SSC5D: variants seen among roughly 807,000 people sequenced by gnomAD.
SSC5D encodes soluble scavenger receptor cysteine-rich domain-containing protein SSC5D.
A neutral mutation model predicts 104.6 loss-of-function variants in SSC5D; 106 were observed. The ratio of observed to expected loss-of-function variants is 1.01; its 90% CI spans 0.87 to 1.19. The LOEUF (loss-of-function observed/expected upper bound fraction) is 1.19. Ranked by LOEUF, SSC5D falls within the 50% of genes most tolerant of loss-of-function variation. The pLI, the probability that SSC5D is intolerant of heterozygous loss-of-function variation, is 0.00. For synonymous variants in SSC5D, 860 were observed against 883.5 expected (o/e 0.97, Z 0.47); for missense variants, 1,993 against 2,153.8 (o/e 0.93, Z 1.48).
rs1423897582 is a variant in SSC5D, at chr19:55,500,625, T to C, written c.2438T>C (p.Leu813Pro). 1.3e-6 allele frequency: 2 copies of C among 1,551,704 alleles called. No homozygotes were observed. Among genetic ancestry groups the C allele is most frequent in the East Asian group, 2.4e-5 (1 of 40,916 alleles). Residue 813 changes from leucine to proline, a missense_variant, in exon 11 of 14, where the codon CTG (leucine) becomes CCG (proline). Coordinates refer to ENST00000389623, the MANE Select transcript of SSC5D (RefSeq NM_001144950.2). This position sits in a 1 kb window ranked among gnomAD's most constrained non-coding sequence, Gnocchi z 4.6. Reference protein sequence around the residue: ...LRDATVACWELGCGKVRPRVG... With the variant: ...LRDATVACWEPGCGKVRPRVG... ...GACGCCACTGTGGCCTGCTGGGAAC[T>C]GGGCTGTGGAAAGGTCCGGCCTCGA...
At chr19:55,515,350 C>T (rs1987846497) in intron 13 of SSC5D, among the ~76,000 whole-genome samples, 1 of 145,616 alleles carries the variant, frequency 6.9e-6, no homozygotes, top group Non-Finnish European at 1.5e-5. Context: ...GAGCCAAGAT[C>T]GCGCCACTGC....
At chr19:55,489,297 G>C (rs1987056770) in intron 2 of SSC5D, 57 bp from the exon 3 acceptor site, 1 of 1,412,284 alleles carries the variant, frequency 7.1e-7, no homozygotes, top group Non-Finnish European at 9.2e-7. Flanking sequence ...CAGTTGCCCT[G>C]GCCTTGGGGC....
chr19:55,508,276 G>T (rs781677695), intron 12 of SSC5D, among the ~76,000 whole-genome samples: 1 of 152,148 alleles, frequency 6.6e-6, no homozygotes, highest in Non-Finnish European at 1.5e-5. Context: ...TTGGGGTATC[G>T]CCGGAGGTTT....
In SSC5D at chr19:55,500,238, A is replaced by T. The variant is rs1227215537; in HGVS notation, c.2128A>T (p.Thr710Ser). 6.4e-7 allele frequency: 1 copy of T among 1,551,112 alleles called. No individual in the cohort carries two copies. Among genetic ancestry groups the T allele is most frequent in the Non-Finnish European group, 8.7e-7 (1 of 1,146,870 alleles). The change falls in exon 10 of 14, where the codon ACT becomes TCT. Residue 710 changes from threonine (T) to serine (S), a missense_variant. Physicochemically the swap from Thr to Ser is moderately conservative, Grantham distance 58 (BLOSUM62 1). Coordinates refer to ENST00000389623, the MANE Select transcript of SSC5D (RefSeq NM_001144950.2). The surrounding 1 kb of genome is among the most constrained non-coding windows in gnomAD (Gnocchi z 4.6). ...CCCTCAGGCCCCCCGAGAACGGACC[A>T]CTAAGACCATGGCAATGCTGACCAC... The part of the protein sequence containing the change: ...LTPQAPRERT[T>S]KTMAMLTTQG...
chr19:55,490,821 G>C lies in SSC5D; in HGVS notation c.636G>C (p.Glu212Asp), dbSNP rs376228247. 2 of 1,547,204 alleles carry C rather than the reference G, an allele frequency of 1.3e-6. No individual in the cohort carries two copies. The highest frequency in any genetic ancestry group is 3.9e-5 in the Admixed American group (2 of 50,670). ...CCCACAGGTGCGCCGGACGCCTGGA[G>C]GTCTGGCACGGCGGGCGCTGGGGCA... Reference protein sequence around the residue: ...SGPHRCAGRLEVWHGGRWGTV... With the variant: ...SGPHRCAGRLDVWHGGRWGTV... The change falls in exon 6 of 14, where the codon GAG becomes GAC. Residue 212 changes from glutamate to aspartate, a missense_variant. By Grantham distance (45) the Glu-to-Asp change is conservative. Around this residue, in one of 6 missense-constraint regions of SSC5D, gnomAD observed 1,101 missense variants for 1,085.0 expected, o/e 1.01. Coordinates refer to ENST00000389623, the MANE Select transcript of SSC5D (RefSeq NM_001144950.2).
At chr19:55,513,199 ACTGGGACGGTATTTGTC>A in intron 13 of SSC5D, 27 bp downstream of exon 13, 1 of 1,460,966 alleles carries the variant, frequency 6.8e-7, no homozygotes, top group Non-Finnish European at 9.1e-7. Flanking sequence ...GGGTGAGGAG[ACTGGGACGGTATTTGTC>A]CTGGGGTAAA....
intron 13 of SSC5D, among the ~76,000 whole-genome samples, chr19:55,515,396 C>CA (rs71181781): frequency 0.6 from 52,192 of 86,518 alleles, 16,233 homozygotes; most frequent in Middle Eastern, 0.76. Context: ...AACTCCGTCT[C>CA]AAAAAAAAAA....
rs1232199033 is a variant in SSC5D, at chr19:55,503,378, C to T, written c.2785+2177C>T. Among the ~76,000 whole-genome samples, 1 of 152,160 alleles carries T rather than the reference C, an allele frequency of 6.6e-6. No individual in the cohort carries two copies. Among genetic ancestry groups the T allele is most frequent in the Non-Finnish European group, 1.5e-5 (1 of 68,032 alleles). On this transcript the variant is annotated intron_variant, in intron 12 of 13. Coordinates refer to ENST00000389623, the MANE Select transcript of SSC5D (RefSeq NM_001144950.2). This position sits in a 1 kb window ranked among gnomAD's most constrained non-coding sequence, Gnocchi z 4.0. ...GTCTCCATTTCTCACTGCGTTCTCT[C>T]CCCAGGCCCAGCGCTGTGGTATCTT...
In SSC5D at chr19:55,490,850, T is replaced by A. The variant is rs1225772822; in HGVS notation, c.665T>A (p.Val222Glu). 6.5e-7 allele frequency: 1 copy of A among 1,547,128 alleles called. No homozygotes were observed. The highest frequency in any genetic ancestry group is 8.7e-7 in the Non-Finnish European group (1 of 1,145,422). The change falls in exon 6 of 14, where the codon GTA (valine) becomes GAA (glutamate). Residue 222 changes from valine to glutamate, a missense_variant. Val to Glu is a moderately radical substitution (Grantham distance 121). Coordinates refer to ENST00000389623, the MANE Select transcript of SSC5D (RefSeq NM_001144950.2). ...EVWHGGRWGT[V>E]CDDGWDLRDA... Reference sequence around the variant, plus strand: ...TGGCACGGCGGGCGCTGGGGCACCGTATGTGACGATGGCTGGGACCTGCGC... The same window carrying A: ...TGGCACGGCGGGCGCTGGGGCACCGAATGTGACGATGGCTGGGACCTGCGC...
intron 7 of SSC5D, 82 bp downstream of exon 7, chr19:55,493,994 G>GGGGGCCCCCC: frequency 7.0e-6 from 1 of 143,314 alleles, no homozygotes; most frequent in Admixed American, 8.5e-5. Context: ...GGGCGGGGGG[G>GGGGGCCCCCC]TCCCTACGCG....
In SSC5D at chr19:55,500,611, G is replaced by A. The variant is rs1252046847; in HGVS notation, c.2424G>A (p.Val808=). 3.2e-6 allele frequency: 5 copies of A among 1,551,658 alleles called. No individual in the cohort carries two copies. The highest frequency in any genetic ancestry group is 1.4e-5 in the African/African-American group (1 of 73,058). ...DDNWDLRDAT[V]ACWELGCGKV... ...ACTGGGACCTGCGGGACGCCACTGT[G>A]GCCTGCTGGGAACTGGGCTGTGGAA... is the stretch of plus-strand genomic sequence containing the variant. The change falls in exon 11 of 14, where the codon GTG becomes GTA. Residue 808 remains valine (V), a synonymous_variant. Coordinates refer to ENST00000389623, the MANE Select transcript of SSC5D (RefSeq NM_001144950.2). This position sits in a 1 kb window ranked among gnomAD's most constrained non-coding sequence, Gnocchi z 4.6.
At chr19:55,509,898 A>G (rs1987719401) in intron 12 of SSC5D, among the ~76,000 whole-genome samples, 1 of 151,728 alleles carries the variant, frequency 6.6e-6, no homozygotes, top group Admixed American at 6.6e-5. Flanking sequence ...AAAAGAAAGA[A>G]ATACGCGTAT....
At chr19:55,490,635 C>CA (rs1277953571) in intron 5 of SSC5D, 137 bp from the exon 6 acceptor site, 2 of 1,044,526 alleles carry the variant, frequency 1.9e-6, no homozygotes, top group African/African-American at 3.2e-5. Flanking sequence ...GTCGTGGACT[C>CA]ACCTCTTCAC....
At position 55,503,448 on chromosome 19, in the gene SSC5D, G is replaced by A. The variant is rs914022998; in HGVS notation, c.2785+2247G>A. Among the ~76,000 whole-genome samples the A allele has an allele frequency of 7.2e-5, 11 of 151,840 alleles. No homozygotes were observed. Among genetic ancestry groups the A allele is most frequent in the African/African-American group, 2.4e-4 (10 of 41,292 alleles). ...TGTTTTCTGAGTCTCCATCTCCCGC[G>A]CCTTCCCTGCAGTCTCCCGCGTGCT... On this transcript the variant is annotated intron_variant, in intron 12 of 13. Coordinates refer to ENST00000389623, the MANE Select transcript of SSC5D (RefSeq NM_001144950.2). The surrounding 1 kb of genome is among the most constrained non-coding windows in gnomAD (Gnocchi z 4.0).
intron 13 of SSC5D, among the ~76,000 whole-genome samples, chr19:55,514,511 G>T (rs911983358): frequency 3.3e-5 from 5 of 149,290 alleles, no homozygotes; most frequent in Admixed American, 1.3e-4. Flanking sequence ...TGAGGCAGGA[G>T]AACTGCTTGA....
Position 55,500,641 on chromosome 19 carries a change from C to G in SSC5D, c.2454C>G (p.Val818=), listed in dbSNP as rs1457199527. The G allele has an allele frequency of 1.9e-6, 3 of 1,551,776 alleles. No individual in the cohort carries two copies. The highest frequency in any genetic ancestry group is 2.6e-6 in the Non-Finnish European group (3 of 1,147,024). Reference sequence around the variant, plus strand: ...GCTGGGAACTGGGCTGTGGAAAGGTCCGGCCTCGAGTAGGCAAAACCCATT... The same window carrying G: ...GCTGGGAACTGGGCTGTGGAAAGGTGCGGCCTCGAGTAGGCAAAACCCATT... ...VACWELGCGK[V]RPRVGKTHYG... Residue 818 remains valine (V), a synonymous_variant, in exon 11 of 14, where the codon GTC becomes GTG. Transcript: ENST00000389623. The surrounding 1 kb of genome is among the most constrained non-coding windows in gnomAD (Gnocchi z 4.6).
rs1199962980 is a variant in SSC5D at position 55,490,810 on chromosome 19, G to T, written c.625G>T (p.Gly209Ter). The T allele has an allele frequency of 1.3e-6, 2 of 1,545,572 alleles. No individual in the cohort carries two copies. Among genetic ancestry groups the T allele is most frequent in the East Asian group, 4.9e-5 (2 of 40,860 alleles). The change falls in exon 6 of 14, where the codon GGA becomes TGA. Residue 209 changes from glycine (G) to a stop codon, truncating the protein, a stop_gained. Transcript: ENST00000389623. LOFTEE classifies it high-confidence loss of function. ...RLVSGPHRCA[G>*]RLEVWHGGRW... ...GGTCTCTGGCCCCCACAGGTGCGCCGGACGCCTGGAGGTCTGGCACGGCGG... is the reference window on the plus strand; with the variant it reads ...GGTCTCTGGCCCCCACAGGTGCGCCTGACGCCTGGAGGTCTGGCACGGCGG...
At chr19:55,489,281 C>T (rs1987056413) in intron 2 of SSC5D, 73 bp from the exon 3 acceptor site, 1 of 1,391,248 alleles carries the variant, frequency 7.2e-7, no homozygotes, top group Non-Finnish European at 9.3e-7. Flanking sequence ...CAGCCACCTG[C>T]CCCTACAGTT....
At position 55,518,834 on chromosome 19, in the gene SSC5D, G is replaced by A. The variant is rs1353783485; in HGVS notation, c.4558G>A (p.Ala1520Thr). 1 of 1,550,390 alleles carries A rather than the reference G, an allele frequency of 6.4e-7. No homozygotes were observed. The highest frequency in any genetic ancestry group is 2.0e-5 in the Admixed American group (1 of 51,006). ...GGAACAGGAGCGGCAGGAGCGCCAA[G>A]CCCTGCTGCTGGGGCTGACGCAGCT... ...VVEQERQERQ[A>T]LLLGLTQLVE... The change falls in exon 14 of 14, where the codon GCC (alanine) becomes ACC (threonine). Residue 1520 changes from alanine to threonine, a missense_variant. Coordinates refer to ENST00000389623, the MANE Select transcript of SSC5D (RefSeq NM_001144950.2).
Sources: gnomAD v4.1 joint callset for allele counts (sites outside exome capture counted in the v4.1 genomes callset) on GRCh38, gnomAD v4.1.1 for gene constraint, gnomAD v4.1.1 regional missense constraint, Gnocchi (gnomAD v3.1) non-coding constraint, MANE v1.5 for transcripts, NCBI Gene and HGNC (gene_info 2026-07-23, HGNC 2026-07-21) for gene names.